AGPAT3: variants seen among roughly 807,000 people sequenced by gnomAD.
AGPAT3 encodes 1-acyl-sn-glycerol-3-phosphate acyltransferase gamma.
Under a neutral mutation model 47.3 loss-of-function variants are expected in AGPAT3, and 5 were observed. That is an observed-to-expected ratio of 0.11 (90% CI 0.06 to 0.22). AGPAT3 has a LOEUF of 0.22. Among genes scored for constraint, AGPAT3 ranks in the 10% least tolerant of loss-of-function variants. AGPAT3 has a pLI of 1.00. For synonymous variants in AGPAT3, 212 were observed against 208.3 expected (o/e 1.02, Z -0.15); for missense variants, 315 against 493.0 (o/e 0.64, Z 3.42).
chr21:43,931,064 C>T (rs1029165491), intron 2 of AGPAT3, among the ~76,000 whole-genome samples: 2 of 152,220 alleles, frequency 1.3e-5, no homozygotes, highest in East Asian at 3.9e-4. Flanking sequence ...TTCTCGAGGG[C>T]CCCGTGACTG....
intron 1 of AGPAT3, among the ~76,000 whole-genome samples, chr21:43,879,936 T>C (rs563597577): frequency 6.6e-6 from 1 of 152,298 alleles, no homozygotes; most frequent in Admixed American, 6.5e-5. Flanking sequence ...CCCCGCATCC[T>C]GGCATGTGGG....
chr21:43,921,747 T>C (rs1158028871), intron 2 of AGPAT3, among the ~76,000 whole-genome samples: 4 of 152,218 alleles, frequency 2.6e-5, no homozygotes, highest in African/African-American at 9.6e-5. Flanking sequence ...GTGGTGGTTC[T>C]TTTGTTAATC....
chr21:43,964,588 A>C (rs1410643632), intron 3 of AGPAT3, among the ~76,000 whole-genome samples: 1 of 152,226 alleles, frequency 6.6e-6, no homozygotes, highest in Non-Finnish European at 1.5e-5. Context: ...AAAGAAAAAA[A>C]GGTAAATCTC....
chr21:43,969,479 G>A (rs1397436075), intron 5 of AGPAT3, among the ~76,000 whole-genome samples, 200 bp downstream of exon 5: 2 of 152,172 alleles, frequency 1.3e-5, no homozygotes, highest in African/African-American at 2.4e-5. Context: ...GCTACTCGCC[G>A]CAATCCCAGC....
intron 2 of AGPAT3, among the ~76,000 whole-genome samples, chr21:43,953,136 C>T (rs866977135): frequency 2.6e-5 from 4 of 152,142 alleles, no homozygotes; most frequent in Admixed American, 1.3e-4. Context: ...TGGGGCACGC[C>T]GCAGAGAGCT....
At chr21:43,978,144 C>T (rs1470053391) in intron 8 of AGPAT3, 23 bp downstream of exon 8, 12 of 1,607,416 alleles carry the variant, frequency 7.5e-6, no homozygotes, top group South Asian at 1.1e-5. Context: ...TGCTCCCGCT[C>T]AGGGTCCCGG....
chr21:43,920,195 A>C lies in AGPAT3; in HGVS notation c.-49+16176A>C, dbSNP rs188394323. On this transcript the variant is annotated intron_variant, in intron 2 of 9. Coordinates refer to ENST00000291572, the MANE Select transcript of AGPAT3 (RefSeq NM_020132.5). The surrounding 1 kb of genome is among the most constrained non-coding windows in gnomAD (Gnocchi z 6.1). ...CCCACTGCATGCTGGGACACTCATC[A>C]TGTCTTCAGCCCTGTGTGTGTGTGT... Among the ~76,000 whole-genome samples the C allele has an allele frequency of 1.6e-4, 22 of 141,326 alleles. No individual in the cohort carries two copies. The highest frequency in any genetic ancestry group is 1.1e-3 in the Admixed American group (15 of 13,396). 92.7% of individuals were successfully genotyped at this position (141,326 alleles called of 152,430 possible).
chr21:43,984,965 A>G lies in AGPAT3; in HGVS notation c.*2573A>G, dbSNP rs73373146. 45,121 of 378,056 alleles carry G rather than the reference A, an allele frequency of 0.12. 3,375 individuals are homozygous for G. The highest frequency in any genetic ancestry group is 0.24 in the African/African-American group (11,583 of 47,500). 23.4% of individuals were successfully genotyped at this position (378,056 alleles called of 1,614,324 possible). A position where few individuals can be genotyped will look rare whatever the true frequency, so the allele number is the denominator to read the frequency against. ...GGCATCGCTGATGCCCTCTGCACCC[A>G]GTCCTTGAGCCAGGCCGAGGACAGG... On this transcript the variant is annotated 3_prime_UTR_variant, in exon 10 of 10. Transcript: ENST00000291572.
intron 2 of AGPAT3, among the ~76,000 whole-genome samples, chr21:43,919,344 CTA>C (rs2086837468): frequency 1.3e-5 from 2 of 152,124 alleles, no homozygotes; most frequent in African/African-American, 4.8e-5. Context: ...TTATATCACT[CTA>C]TGTTTTTGCG....
intron 1 of AGPAT3, among the ~76,000 whole-genome samples, chr21:43,869,236 G>C (rs757270046): frequency 6.6e-6 from 1 of 152,158 alleles, no homozygotes; most frequent in Non-Finnish European, 1.5e-5. Flanking sequence ...ATGAAGAGCT[G>C]TTTATTGACT....
chr21:43,871,330 A>G (rs1251985226), intron 1 of AGPAT3, among the ~76,000 whole-genome samples: 1 of 152,202 alleles, frequency 6.6e-6, no homozygotes, highest in African/African-American at 2.4e-5. Context: ...AAAGGAGAAG[A>G]TGGTACTAAG....
intron 2 of AGPAT3, among the ~76,000 whole-genome samples, chr21:43,944,291 C>A (rs932297197): frequency 3.9e-5 from 6 of 152,374 alleles, no homozygotes; most frequent in Admixed American, 6.5e-5. Flanking sequence ...GAGTGGTTCC[C>A]GGGCTGGCCC....
chr21:43,926,518 C>T lies in AGPAT3; in HGVS notation c.-49+22499C>T, dbSNP rs578121534. Among the ~76,000 whole-genome samples the T allele has an allele frequency of 4.6e-5, 7 of 152,186 alleles. No homozygotes were observed. In the East Asian group the frequency reaches 7.7e-4, roughly 17 times the overall value. On this transcript the variant is annotated intron_variant, in intron 2 of 9. Transcript: ENST00000291572. The stretch of plus-strand genomic sequence containing the variant: ...AGAGAACAGGCAGCTTCAGGGGCCA[C>T]GCGTGCACGAGAGGAGCCCCCAGCC...
intron 2 of AGPAT3, among the ~76,000 whole-genome samples, chr21:43,917,099 G>A (rs1264421020): frequency 6.6e-6 from 1 of 152,202 alleles, no homozygotes; most frequent in East Asian, 1.9e-4. Context: ...AAGTGAGGGG[G>A]GCCCACTCTG....
Position 43,880,028 on chromosome 21 carries a change from G to A in AGPAT3, c.-112+14683G>A, listed in dbSNP as rs1333874739. On this transcript the variant is annotated intron_variant, in intron 1 of 9. Coordinates refer to ENST00000291572, the MANE Select transcript of AGPAT3 (RefSeq NM_020132.5). This position sits in a 1 kb window ranked among gnomAD's most constrained non-coding sequence, Gnocchi z 4.5. ...TTACTGTTTATTCTTGAAGAACAGG[G>A]CAGCATGACTCCGGGGCGGAGGACG... 6.6e-6 allele frequency among the ~76,000 whole-genome samples: 1 copy of A among 152,228 alleles called. No individual in the cohort carries two copies.
At chr21:43,869,501 A>G (rs1242395838) in intron 1 of AGPAT3, among the ~76,000 whole-genome samples, 1 of 152,260 alleles carries the variant, frequency 6.6e-6, no homozygotes, top group African/African-American at 2.4e-5. Context: ...AGTTTGGGTT[A>G]TGCACTTGTC....
chr21:43,955,378 C>T lies in AGPAT3; in HGVS notation c.-48-4256C>T, dbSNP rs543526885. ...GCTTGTCAACACCCATAACGCTATG[C>T]ACGGACACTCGGCAAACCCATCTTA... On this transcript the variant is annotated intron_variant, in intron 2 of 9. Coordinates refer to ENST00000291572, the MANE Select transcript of AGPAT3 (RefSeq NM_020132.5). This position sits in a 1 kb window ranked among gnomAD's most constrained non-coding sequence, Gnocchi z 4.1. The T allele has an allele frequency of 2.9e-6, 1 of 339,544 alleles. No homozygotes were observed. Among genetic ancestry groups the T allele is most frequent in the Non-Finnish European group, 4.6e-6 (1 of 218,562 alleles). The allele number at this position is 339,544 out of a possible 1,614,324, so 21.0% of individuals were successfully genotyped here. A position where few individuals can be genotyped will look rare whatever the true frequency, so the allele number is the denominator to read the frequency against.
Position 43,880,461 on chromosome 21 carries a change from C to G in AGPAT3, c.-112+15116C>G, listed in dbSNP as rs1204981162. Among the ~76,000 whole-genome samples the G allele has an allele frequency of 6.6e-6, 1 of 152,212 alleles. No homozygotes were observed. Among genetic ancestry groups the G allele is most frequent in the Non-Finnish European group, 1.5e-5 (1 of 68,030 alleles). On this transcript the variant is annotated intron_variant, in intron 1 of 9. Coordinates refer to ENST00000291572, the MANE Select transcript of AGPAT3 (RefSeq NM_020132.5). The surrounding 1 kb of genome is among the most constrained non-coding windows in gnomAD (Gnocchi z 4.5). ...CTGGCAGGAAGATGGGAAAGGTGCT[C>G]TGCAGGTCTCTACTGCCAGGAGCTC...
chr21:43,896,207 A>G (rs62228702), intron 1 of AGPAT3, among the ~76,000 whole-genome samples: 15,970 of 152,220 alleles, frequency 0.1, 1,588 homozygotes, highest in African/African-American at 0.26. Context: ...CCTGGCCGTG[A>G]TAACTGTTTT....
Sources: gnomAD v4.1 joint callset for allele counts (sites outside exome capture counted in the v4.1 genomes callset) on GRCh38, gnomAD v4.1.1 for gene constraint, Gnocchi (gnomAD v3.1) non-coding constraint, MANE v1.5 for transcripts, NCBI Gene and HGNC (gene_info 2026-07-23, HGNC 2026-07-21) for gene names.